The following MAGEC3 variants were observed in gnomAD, a reference collection of about 807,000 sequenced individuals.
MAGEC3 encodes the protein melanoma-associated antigen C3.
A neutral mutation model predicts 35.3 loss-of-function variants in MAGEC3; 34 were observed. The ratio of observed to expected loss-of-function variants is 0.96; its 90% CI spans 0.73 to 1.28. The LOEUF is 1.28. Among genes scored for constraint, MAGEC3 ranks in the 50% most tolerant of loss-of-function variants. The pLI, the probability that MAGEC3 is intolerant of heterozygous loss-of-function variation, is 0.00. For synonymous variants in MAGEC3, 202 were observed against 185.6 expected, an observed-to-expected ratio of 1.09 and a Z score of -0.72; for missense variants, 561 against 483.6, an observed-to-expected ratio of 1.16 and a Z score of -1.50.
intron 2 of MAGEC3, among the ~76,000 whole-genome samples, chrX:141,877,489 ATAAAT>A (rs2017927422): frequency 8.9e-6 from 1 of 111,906 alleles, no homozygotes; most frequent in African/African-American, 3.2e-5. Context: ...TATATATTGA[ATAAAT>A]TATCTTTAGT....
intron 1 of MAGEC3, among the ~76,000 whole-genome samples, chrX:141,840,278 A>C (rs952455160): frequency 4.5e-5 from 5 of 112,209 alleles, no homozygotes; most frequent in Non-Finnish European, 9.4e-5. Flanking sequence ...GCAAAAGTAT[A>C]GTCTTTCTAA....
At chrX:141,891,298 G>GT (rs1244332500) in intron 4 of MAGEC3, among the ~76,000 whole-genome samples, 8 of 111,340 alleles carry the variant, frequency 7.2e-5, no homozygotes, top group Non-Finnish European at 1.5e-4. Flanking sequence ...TGAGGAAGGG[G>GT]TATAATTCGG....
chrX:141,897,438 C>A lies in MAGEC3; in HGVS notation c.1680C>A (p.Gly560=). ...TTCTCAGTATGATCTTCATAAAGGG[C>A]AGCTGTGTCCCCGAGGAGGTCATCT... is the stretch of plus-strand genomic sequence containing the variant. The part of the protein sequence containing the change: ...ILILSMIFIK[G]SCVPEEVIWE... Residue 560 remains glycine (G), a synonymous_variant, in exon 7 of 8, where the codon GGC becomes GGA. Transcript: ENST00000298296. The A allele has an allele frequency of 8.3e-7, 1 of 1,210,753 alleles. No homozygotes were observed. Among genetic ancestry groups the A allele is most frequent in the Non-Finnish European group, 1.1e-6 (1 of 895,092 alleles).
At chrX:141,882,093 A>G (rs1257593313) in intron 4 of MAGEC3, among the ~76,000 whole-genome samples, 1 of 111,886 alleles carries the variant, frequency 8.9e-6, no homozygotes, top group Non-Finnish European at 1.9e-5. Context: ...TGCTACTGCC[A>G]TGGCCAGTGC....
At chrX:141,847,796 C>T (rs1484006449) in intron 1 of MAGEC3, among the ~76,000 whole-genome samples, 1 of 110,550 alleles carries the variant, frequency 9.0e-6, no homozygotes, top group African/African-American at 3.3e-5. Context: ...CAACTTCTAC[C>T]TTCAGAAATA....
At chrX:141,877,288 A>C (rs2017925993) in intron 2 of MAGEC3, among the ~76,000 whole-genome samples, 1 of 111,734 alleles carries the variant, frequency 8.9e-6, no homozygotes, top group Admixed American at 9.5e-5. Context: ...TTAACCAGCC[A>C]TCAGCTGCCT....
In MAGEC3 at chrX:141,883,470, G is replaced by A. The variant is rs185838520; in HGVS notation, c.909+1674G>A. On this transcript the variant is annotated intron_variant, in intron 4 of 7. Coordinates refer to ENST00000298296, the MANE Select transcript of MAGEC3 (RefSeq NM_138702.1). Reference sequence around the variant, plus strand: ...AGTGACAATTCCATATCTATCCTGGGCATCTTCAAACACTCTCAAAATACT... The same window carrying A: ...AGTGACAATTCCATATCTATCCTGGACATCTTCAAACACTCTCAAAATACT... Among the ~76,000 whole-genome samples, 313 of 111,774 alleles carry A rather than the reference G, an allele frequency of 2.8e-3. 1 individual carries two copies. Among genetic ancestry groups the A allele is most frequent in the African/African-American group, 8.5e-3 (261 of 30,746 alleles).
intron 1 of MAGEC3, among the ~76,000 whole-genome samples, chrX:141,842,668 G>A (rs2017692784): frequency 9.0e-6 from 1 of 110,599 alleles, no homozygotes; most frequent in African/African-American, 3.3e-5. Context: ...TCAAGGTATC[G>A]CACCCTGGAA....
chrX:141,864,825 A>G (rs1205336019), intron 1 of MAGEC3, among the ~76,000 whole-genome samples: 1 of 112,165 alleles, frequency 8.9e-6, no homozygotes, highest in Non-Finnish European at 1.9e-5. Context: ...ATTTCCAGAT[A>G]GTGACTGCAC....
Position 141,881,784 on chromosome X carries a change from G to A in MAGEC3, c.897G>A (p.Leu299=). Residue 299 remains leucine, a synonymous_variant, in exon 4 of 8, where the codon CTG becomes CTA. Transcript: ENST00000298296. ...CASEEVIWEV[L]NAIGPWSALA... ...CTGAGGAGGTCATCTGGGAAGTGCT[G>A]AATGCAATAGGGGTGTGTGCTCAGA... is the stretch of plus-strand genomic sequence containing the variant. 1 of 1,211,492 alleles carries A rather than the reference G, an allele frequency of 8.3e-7. No homozygotes were observed.
chrX:141,853,869 G>C (rs1396418146), intron 1 of MAGEC3, among the ~76,000 whole-genome samples: 1 of 111,105 alleles, frequency 9.0e-6, no homozygotes, highest in African/African-American at 3.3e-5. Flanking sequence ...AATAGACTAA[G>C]TGTATTTAGT....
chrX:141,844,371 T>A lies in MAGEC3; in HGVS notation c.123+5933T>A, dbSNP rs141174974. On this transcript the variant is annotated intron_variant, in intron 1 of 7. Transcript: ENST00000298296. ...CATTCCCTTGCTGAAAAGTCAGCTC[T>A]CAGTGTAGTTGCAATATGTGAATTA... 2.6e-3 allele frequency among the ~76,000 whole-genome samples: 284 copies of A among 111,277 alleles called. 2 individuals are homozygous for A. The highest frequency in any genetic ancestry group is 8.6e-3 in the African/African-American group (266 of 30,794).
intron 2 of MAGEC3, among the ~76,000 whole-genome samples, chrX:141,871,633 A>C (rs1603066912): frequency 8.9e-6 from 1 of 112,410 alleles, no homozygotes; most frequent in South Asian, 3.7e-4. Context: ...TATAAATGTT[A>C]TGCCAAGTTA....
At chrX:141,861,135 G>T (rs963479306) in intron 1 of MAGEC3, among the ~76,000 whole-genome samples, 1 of 111,107 alleles carries the variant, frequency 9.0e-6, no homozygotes, top group African/African-American at 3.3e-5. Flanking sequence ...GATGAGCAAA[G>T]ATGTCTATTG....
intron 1 of MAGEC3, 139 bp downstream of exon 1, chrX:141,838,577 C>T: frequency 9.5e-7 from 1 of 1,050,236 alleles, no homozygotes; most frequent in Non-Finnish European, 1.3e-6. Context: ...CTATCTTGCC[C>T]AGCCTTGATG....
At chrX:141,868,745 TACCA>T (rs1307603509) in intron 2 of MAGEC3, among the ~76,000 whole-genome samples, 2 of 110,971 alleles carry the variant, frequency 1.8e-5, no homozygotes, top group African/African-American at 6.5e-5. Context: ...ATTCTTTACT[TACCA>T]TAGATTAGAA....
In MAGEC3 at chrX:141,897,642, C is replaced by T. The variant is rs1025014884; in HGVS notation, c.1742C>T (p.Pro581Leu). 2.5e-6 allele frequency: 3 copies of T among 1,207,236 alleles called. No homozygotes were observed. In the African/African-American group the frequency reaches 5.3e-5, roughly 21 times the overall value. ...GGGGTCCAAGAGCCCATTCAGAGGC[C>T]AGCAAGAGAAGTCTTAGAGTTTTTA... ...VLSAIGPIQR[P>L]AREVLEFLSK... is the part of the protein sequence containing the mutation. Residue 581 changes from proline to leucine, a missense_variant, in exon 8 of 8, where the codon CCA becomes CTA. Transcript: ENST00000298296.
At chrX:141,859,630 C>T (rs1040411383) in intron 1 of MAGEC3, among the ~76,000 whole-genome samples, 1 of 110,938 alleles carries the variant, frequency 9.0e-6, no homozygotes, top group Non-Finnish European at 1.9e-5. Context: ...AAACCCTGCA[C>T]GTAACATTTC....
At chrX:141,841,138 C>A (rs1231764885) in intron 1 of MAGEC3, among the ~76,000 whole-genome samples, 1 of 111,073 alleles carries the variant, frequency 9.0e-6, no homozygotes, top group Admixed American at 9.6e-5. Context: ...TCTGTCTCTT[C>A]TTACTTACCA....
Sources: gnomAD v4.1 joint callset for allele counts (sites outside exome capture counted in the v4.1 genomes callset) on GRCh38, gnomAD v4.1.1 for gene constraint, MANE v1.5 for transcripts, NCBI Gene and HGNC (gene_info 2026-07-23, HGNC 2026-07-21) for gene names.